ITGB8: variants seen among roughly 807,000 people sequenced by gnomAD.
ITGB8 encodes the protein integrin beta-8.
Under a neutral mutation model 89.5 loss-of-function variants are expected in ITGB8, and 30 were observed. The observed-to-expected ratio is 0.34, with a 90% confidence interval of 0.25 to 0.45. The LOEUF (loss-of-function observed/expected upper bound fraction) is 0.45. Among genes scored for constraint, ITGB8 ranks in the 20% least tolerant of loss-of-function variants. The pLI is 1.00. For missense variants in ITGB8, 836 were observed against 933.3 expected, an observed-to-expected ratio of 0.90 and a Z score of 1.36; for synonymous variants, 335 against 320.4, an observed-to-expected ratio of 1.05 and a Z score of -0.49.
chr7:20,346,750 A>G, intron 1 of ITGB8: 1 of 984,912 alleles, frequency 1.0e-6, no homozygotes, highest in Non-Finnish European at 1.2e-6. Flanking sequence ...AGAAGTATAT[A>G]ACACCTGACG....
intron 12 of ITGB8, among the ~76,000 whole-genome samples, chr7:20,407,239 A>G (rs532805724): frequency 7.2e-5 from 8 of 111,532 alleles, no homozygotes; most frequent in African/African-American, 2.6e-4. Context: ...CACCATAGCA[A>G]GCATACTCAT....
intron 1 of ITGB8, among the ~76,000 whole-genome samples, chr7:20,360,373 G>A (rs779789620): frequency 6.8e-4 from 18 of 26,598 alleles, no homozygotes; most frequent in South Asian, 4.8e-3. Context: ...CTTGAGTAGC[G>A]TTGGGGTACA....
intron 1 of ITGB8, among the ~76,000 whole-genome samples, chr7:20,339,470 T>A (rs75875047): frequency 6.6e-6 from 1 of 152,186 alleles, no homozygotes; most frequent in East Asian, 1.9e-4. Flanking sequence ...TCCATTGGGA[T>A]TTTATAATTT....
rs1011405591 is a variant in ITGB8, at chr7:20,331,489, G to A, written c.-318G>A. On this transcript the variant is annotated 5_prime_UTR_variant, in exon 1 of 14. Transcript: ENST00000222573. ...AAACAAAAGCTCTTTTCTTTGTCCC[G>A]GAGCAGGCTGCGGAGCCCTTGCAGA... 1 of 419,136 alleles carries A rather than the reference G, an allele frequency of 2.4e-6. No homozygotes were observed. Among genetic ancestry groups the A allele is most frequent in the Non-Finnish European group, 4.2e-6 (1 of 240,360 alleles). The allele number at this position is 419,136 out of a possible 1,614,324, so 26.0% of individuals were successfully genotyped here. A position where few individuals can be genotyped will look rare whatever the true frequency, so the allele number is the denominator to read the frequency against.
intron 7 of ITGB8, among the ~76,000 whole-genome samples, chr7:20,394,250 T>C (rs778547289): frequency 2.6e-5 from 4 of 152,212 alleles, no homozygotes; most frequent in Non-Finnish European, 4.4e-5. Flanking sequence ...TTTAGTCAGA[T>C]TGGCTTTTTT....
intron 1 of ITGB8, among the ~76,000 whole-genome samples, chr7:20,360,691 G>A (rs115042538): frequency 0.013 from 2,017 of 151,674 alleles, 53 homozygotes; most frequent in African/African-American, 0.047. Context: ...ACGGCTGAGT[G>A]GTATTCCATG....
At chr7:20,335,107 T>C (rs1453459473) in intron 1 of ITGB8, among the ~76,000 whole-genome samples, 1 of 152,190 alleles carries the variant, frequency 6.6e-6, no homozygotes, top group Non-Finnish European at 1.5e-5. Context: ...CCCAACTAAA[T>C]ATTTTGAAAG....
chr7:20,338,704 A>G (rs1456042126), intron 1 of ITGB8, among the ~76,000 whole-genome samples: 3 of 152,196 alleles, frequency 2.0e-5, no homozygotes, highest in Non-Finnish European at 4.4e-5. Flanking sequence ...AGACCATTGC[A>G]TAAGGTAGTC....
At chr7:20,409,842 C>T (rs763821777) in intron 13 of ITGB8, 33 bp from the exon 14 acceptor site, 1 of 1,610,438 alleles carries the variant, frequency 6.2e-7, no homozygotes, top group South Asian at 1.1e-5. Flanking sequence ...TATTTAGGCC[C>T]TTAGTTAATA....
intron 1 of ITGB8, among the ~76,000 whole-genome samples, chr7:20,361,198 G>A (rs1364402878): frequency 6.6e-6 from 1 of 151,940 alleles, no homozygotes; most frequent in Non-Finnish European, 1.5e-5. Context: ...TTTTGAGATT[G>A]CAGTCTTAAC....
At chr7:20,390,803 G>A (rs1323834266) in intron 6 of ITGB8, among the ~76,000 whole-genome samples, 1 of 152,034 alleles carries the variant, frequency 6.6e-6, no homozygotes, top group Non-Finnish European at 1.5e-5. Flanking sequence ...TACAGAAGAT[G>A]GAATTGAGAA....
chr7:20,330,996 C>G lies in ITGB8; in HGVS notation c.-811C>G, dbSNP rs1562642919. 6.6e-6 allele frequency: 1 copy of G among 152,448 alleles called. No individual in the cohort carries two copies. Among genetic ancestry groups the G allele is most frequent in the Non-Finnish European group, 1.5e-5 (1 of 68,200 alleles). 9.4% of individuals were successfully genotyped at this position (152,448 alleles called of 1,614,324 possible). On this transcript the variant is annotated 5_prime_UTR_variant, in exon 1 of 14. Transcript: ENST00000222573. ...GCACGCAGCCCCCGCCCCGCGAAGC[C>G]GGGCTCCGGCACCTCGCGGAACCTC...
Position 20,410,266 on chromosome 7 carries a change from A to G in ITGB8, c.*269A>G. 2.7e-6 allele frequency: 1 copy of G among 377,310 alleles called. No homozygotes were observed. The highest frequency in any genetic ancestry group is 4.9e-6 in the Non-Finnish European group (1 of 205,526). The allele number at this position is 377,310 out of a possible 1,614,324, so 23.4% of individuals were successfully genotyped here. A position where few individuals can be genotyped will look rare whatever the true frequency, so the allele number is the denominator to read the frequency against. ...ATATATAACTTATTTAGATCAGCATAGAATGTAGATCCTCTGAAGAGCACT... is the reference window on the plus strand; with the variant it reads ...ATATATAACTTATTTAGATCAGCATGGAATGTAGATCCTCTGAAGAGCACT... On this transcript the variant is annotated 3_prime_UTR_variant, in exon 14 of 14. Transcript: ENST00000222573.
At chr7:20,408,188 C>T (rs763640105) in intron 12 of ITGB8, among the ~76,000 whole-genome samples, 19 of 152,104 alleles carry the variant, frequency 1.2e-4, no homozygotes, top group Non-Finnish European at 2.2e-4. Context: ...TCTGTCAGAA[C>T]AAAAGGCATG....
At chr7:20,400,430 A>G (rs1562699375) in intron 9 of ITGB8, among the ~76,000 whole-genome samples, 1 of 152,182 alleles carries the variant, frequency 6.6e-6, no homozygotes, top group Non-Finnish European at 1.5e-5. Context: ...CACCAACTGT[A>G]TTGATTTTAA....
At chr7:20,330,709 G>T (rs1035787019), upstream of ITGB8, 12 of 152,222 alleles carry the variant, frequency 7.9e-5, no homozygotes, top group Non-Finnish European at 1.8e-4. Flanking sequence ...CTCCTGCCCG[G>T]GCTGCAGCCG....
intron 1 of ITGB8, among the ~76,000 whole-genome samples, chr7:20,356,266 T>C (rs773721619): frequency 3.9e-5 from 6 of 152,344 alleles, no homozygotes; most frequent in East Asian, 1.9e-4. Flanking sequence ...AACTAGGTCA[T>C]GGCAAGTGAT....
intron 12 of ITGB8, 97 bp downstream of exon 12, chr7:20,406,268 G>A: frequency 2.5e-6 from 2 of 811,762 alleles, no homozygotes; most frequent in Non-Finnish European, 4.1e-6. Flanking sequence ...AGAAAGGACT[G>A]GGCCGGGTGT....
At chr7:20,373,859 C>T (rs1786029505) in intron 3 of ITGB8, among the ~76,000 whole-genome samples, 1 of 152,180 alleles carries the variant, frequency 6.6e-6, no homozygotes, top group Non-Finnish European at 1.5e-5. Flanking sequence ...AGTGTGCAGT[C>T]ATGTTCGTTG....
Sources: gnomAD v4.1 joint callset for allele counts (sites outside exome capture counted in the v4.1 genomes callset) on GRCh38, gnomAD v4.1.1 for gene constraint, MANE v1.5 for transcripts, NCBI Gene and HGNC (gene_info 2026-07-23, HGNC 2026-07-21) for gene names.